Variants in ABTB3 observed in about 807,000 individuals in gnomAD.
ABTB3 encodes ankyrin repeat- and BTB/POZ domain-containing protein 3.
chr12:107,342,837 A>G, the ABTB3 span, among the ~76,000 whole-genome samples: 5 of 152,026 alleles, frequency 3.3e-5, no homozygotes, highest in East Asian at 9.7e-4. Context: ...CTCCCATCCA[A>G]GCATTTTTTC....
At chr12:107,617,793 A>G in the ABTB3 span, 1 of 359,316 alleles carries the variant, frequency 2.8e-6, no homozygotes, top group Non-Finnish European at 5.0e-6. Flanking sequence ...TCCCTTCTAC[A>G]TCTCCTTCTG....
the ABTB3 span, among the ~76,000 whole-genome samples, chr12:107,444,214 C>A: frequency 6.6e-6 from 1 of 152,238 alleles, no homozygotes; most frequent in African/African-American, 2.4e-5. Flanking sequence ...GCCAGTCCCC[C>A]ACCCAGGGTT....
chr12:107,634,344 C>T, the ABTB3 span, among the ~76,000 whole-genome samples: 1 of 152,126 alleles, frequency 6.6e-6, no homozygotes, highest in South Asian at 2.1e-4. Context: ...AAAAAACATC[C>T]TCATCTCACC....
At chr12:107,483,083 T>C in the ABTB3 span, among the ~76,000 whole-genome samples, 1 of 151,422 alleles carries the variant, frequency 6.6e-6, no homozygotes, top group African/African-American at 2.4e-5. Flanking sequence ...AGTACAGTGA[T>C]GTGATCACAG....
At chr12:107,588,736 G>C in the ABTB3 span, among the ~76,000 whole-genome samples, 418 of 152,288 alleles carry the variant, frequency 2.7e-3, 4 homozygotes, top group African/African-American at 9.2e-3. Flanking sequence ...AGCCAGGCTG[G>C]TCTGGAACTC....
chr12:107,588,547 G>A, the ABTB3 span, among the ~76,000 whole-genome samples: 3 of 152,180 alleles, frequency 2.0e-5, no homozygotes, highest in Non-Finnish European at 4.4e-5. Context: ...TTGAGACAGA[G>A]TCTTGCTCTG....
the ABTB3 span, among the ~76,000 whole-genome samples, chr12:107,508,354 G>A: frequency 2.0e-5 from 3 of 150,998 alleles, no homozygotes; most frequent in South Asian, 2.1e-4. Flanking sequence ...ATAGAGTAAG[G>A]TAGACATTGT....
chr12:107,347,547 G>A, the ABTB3 span, among the ~76,000 whole-genome samples: 1 of 152,158 alleles, frequency 6.6e-6, no homozygotes, highest in African/African-American at 2.4e-5. Context: ...TCTACATTGC[G>A]TCTTGTCTTC....
the ABTB3 span, among the ~76,000 whole-genome samples, chr12:107,411,541 GT>G: frequency 6.6e-6 from 1 of 152,192 alleles, no homozygotes; most frequent in African/African-American, 2.4e-5. Flanking sequence ...AAATATTAGT[GT>G]CCCCCTCTTT....
chr12:107,537,819 C>A, the ABTB3 span, among the ~76,000 whole-genome samples: 3 of 152,200 alleles, frequency 2.0e-5, no homozygotes, highest in Non-Finnish European at 4.4e-5. Context: ...CAAGTTCGTC[C>A]CGCAGTTTTT....
the ABTB3 span, among the ~76,000 whole-genome samples, chr12:107,622,693 C>T: frequency 1.3e-5 from 2 of 152,166 alleles, no homozygotes; most frequent in Non-Finnish European, 2.9e-5. Context: ...AGGGTGATCT[C>T]GAACTCCTGA....
the ABTB3 span, among the ~76,000 whole-genome samples, chr12:107,328,504 G>A: frequency 5.1e-4 from 78 of 152,306 alleles, no homozygotes; most frequent in African/African-American, 1.8e-3. Flanking sequence ...CAGGAAAATT[G>A]TATTACGTGT....
chr12:107,601,046 C>A, the ABTB3 span, among the ~76,000 whole-genome samples: 1 of 152,328 alleles, frequency 6.6e-6, no homozygotes, highest in African/African-American at 2.4e-5. Context: ...CAATGAATTA[C>A]GCATTCCATG....
At chr12:107,399,859 C>A in the ABTB3 span, among the ~76,000 whole-genome samples, 3 of 152,002 alleles carry the variant, frequency 2.0e-5, no homozygotes, top group Non-Finnish European at 2.9e-5. Context: ...CCCGACAGGC[C>A]CCAGTGTCTG....
chr12:107,567,376 A>G, the ABTB3 span, among the ~76,000 whole-genome samples: 1 of 152,256 alleles, frequency 6.6e-6, no homozygotes, highest in Admixed American at 6.5e-5. Context: ...GTTTCAGTCA[A>G]CAATGGACCA....
chr12:107,481,883 GTCTCTCTCTCTCTCTCTCTCTC>G, the ABTB3 span, among the ~76,000 whole-genome samples: 2 of 108,242 alleles, frequency 1.8e-5, no homozygotes, highest in Non-Finnish European at 3.7e-5. Flanking sequence ...GAAATCAAGA[GTCTCTCTCTCTCTCTCTCTCTC>G]TCTCTCTCTC....
At chr12:107,644,972 CTTTT>C in the ABTB3 span, among the ~76,000 whole-genome samples, 2 of 127,188 alleles carry the variant, frequency 1.6e-5, no homozygotes, top group Non-Finnish European at 1.6e-5. Context: ...TCAAAATTCA[CTTTT>C]TTTTTTTTTT....
At chr12:107,517,167 C>G in the ABTB3 span, among the ~76,000 whole-genome samples, 1 of 152,200 alleles carries the variant, frequency 6.6e-6, no homozygotes, top group East Asian at 1.9e-4. Context: ...TGTCAAAGAT[C>G]AGATGGTTGT....
At chr12:107,319,021 C>T in the ABTB3 span, 23 of 1,613,524 alleles carry the variant, frequency 1.4e-5, no homozygotes, top group Non-Finnish European at 1.9e-5. Flanking sequence ...GCGCGGCGGA[C>T]TCGGTGCGCT....
Sources: gnomAD v4.1 joint callset for allele counts (sites outside exome capture counted in the v4.1 genomes callset) on GRCh38, gnomAD v4.1.1 for gene constraint, MANE v1.5 for transcripts, NCBI Gene and HGNC (gene_info 2026-07-23, HGNC 2026-07-21) for gene names.